Variants in STAC2 observed in about 807,000 individuals in gnomAD.
The protein encoded by STAC2 is SH3 and cysteine rich domain 2, also known as SH3 and cysteine-rich domain-containing protein 2.
STAC2 carries 36 observed loss-of-function variants against 49.0 expected under a neutral mutation model. The ratio of observed to expected loss-of-function variants is 0.74; its 90% CI spans 0.56 to 0.97. The LOEUF (loss-of-function observed/expected upper bound fraction) is 0.97. STAC2 is among the 50% of genes least tolerant of loss of function. The pLI is 0.00. For missense variants in STAC2, 527 were observed against 543.8 expected (o/e 0.97, Z 0.31); for synonymous variants, 239 against 214.7 (o/e 1.11, Z -0.99).
chr17:39,225,574 G>A lies in STAC2; in HGVS notation c.-72C>T. ...CCACCGCGGGCAGGCTGCGGGTGGC[G>A]GGCGTCTCCGGGACTCTGAAGCCGT... is the stretch of plus-strand genomic sequence containing the variant. On this transcript the variant is annotated 5_prime_UTR_variant, in exon 1 of 11. Coordinates refer to ENST00000333461, the MANE Select transcript of STAC2 (RefSeq NM_198993.5). This position sits in a 1 kb window ranked among gnomAD's most constrained non-coding sequence, Gnocchi z 8.2. 1 of 1,407,562 alleles carries A rather than the reference G, an allele frequency of 7.1e-7. No individual in the cohort carries two copies. Among genetic ancestry groups the A allele is most frequent in the Non-Finnish European group, 9.9e-7 (1 of 1,009,892 alleles). The allele number at this position is 1,407,562 out of a possible 1,614,324, so 87.2% of individuals were successfully genotyped here. A position where few individuals can be genotyped will look rare whatever the true frequency, so the allele number is the denominator to read the frequency against.
chr17:39,212,543 C>A, intron 10 of STAC2, 147 bp from the exon 11 acceptor site: 2 of 639,330 alleles, frequency 3.1e-6, no homozygotes, highest in Non-Finnish European at 5.5e-6. Flanking sequence ...GTGATGGGAC[C>A]AGATCCCAGG....
rs1212494141 is a variant in STAC2, at chr17:39,221,648, G to A, written c.91-3475C>T. 2.6e-5 allele frequency among the ~76,000 whole-genome samples: 4 copies of A among 152,230 alleles called. No homozygotes were observed. The East Asian group carries it at 7.7e-4, about 29-fold the overall frequency. On this transcript the variant is annotated intron_variant, in intron 1 of 10. Coordinates refer to ENST00000333461, the MANE Select transcript of STAC2 (RefSeq NM_198993.5). Reference sequence around the variant, plus strand: ...CTCAGCTGGTAAACAGCAGAGCCAGGACTTGAACCAGCGGCTTCGGCTGCT... The same window carrying A: ...CTCAGCTGGTAAACAGCAGAGCCAGAACTTGAACCAGCGGCTTCGGCTGCT...
At chr17:39,212,505 T>G (rs2046363547) in intron 10 of STAC2, 109 bp from the exon 11 acceptor site, 1 of 780,538 alleles carries the variant, frequency 1.3e-6, no homozygotes. Context: ...GGGACCAGTG[T>G]CAGATGTGGA....
In STAC2 at chr17:39,212,360, C is replaced by T. The variant is rs199951266; in HGVS notation, c.1168G>A (p.Gly390Ser). The T allele has an allele frequency of 5.6e-5, 90 of 1,612,030 alleles. No individual in the cohort carries two copies. The African/African-American group carries it at 1.0e-3, about 18-fold the overall frequency. ...VGVGRSKDADGFIRVSSGKKR... is the reference protein window; with the variant it reads ...VGVGRSKDADSFIRVSSGKKR... ...TTGCCACTGCTGACGCGGATGAAGC[C>T]GTCAGCATCCTTGCTTCTGCCCACG... The change falls in exon 11 of 11, where the codon GGC becomes AGC. Residue 390 changes from glycine (G) to serine (S), a missense_variant. Gly to Ser is a moderately conservative substitution (Grantham distance 56). Transcript: ENST00000333461.
chr17:39,217,396 C>A (rs1361885057), intron 2 of STAC2, among the ~76,000 whole-genome samples: 1 of 152,034 alleles, frequency 6.6e-6, no homozygotes, highest in Non-Finnish European at 1.5e-5. Context: ...ATACCCCCAC[C>A]CTTGGTGGTG....
At position 39,216,799 on chromosome 17, in the gene STAC2, G is replaced by C. The variant is rs1227923724; in HGVS notation, c.586+11C>G. The C allele has an allele frequency of 6.3e-6, 10 of 1,577,892 alleles. No individual in the cohort carries two copies. Among genetic ancestry groups the C allele is most frequent in the Middle Eastern group, 1.7e-4 (1 of 5,956 alleles). On this transcript the variant is annotated intron_variant, in intron 4 of 10. Transcript: ENST00000333461. ...ATGGGAGCAGGGACTGCGGCCAGGG[G>C]GGGCACTCACCAGTGGGTGGGGACT...
Position 39,218,067 on chromosome 17 carries a change from A to G in STAC2, c.197T>C (p.Val66Ala). The stretch of plus-strand genomic sequence containing the variant: ...CAGTGGGGTTGGGGGCGTCAGCAGC[A>G]CCTCGGTGGGGCACTTGAGCTCAGA... The part of the protein sequence containing the change: ...SGSELKCPTE[V>A]LLTPPTPLPP... Residue 66 changes from valine to alanine, a missense_variant, in exon 2 of 11, where the codon GTG (valine) becomes GCG (alanine). Coordinates refer to ENST00000333461, the MANE Select transcript of STAC2 (RefSeq NM_198993.5). 6.2e-7 allele frequency: 1 copy of G among 1,611,742 alleles called. No individual in the cohort carries two copies. The highest frequency in any genetic ancestry group is 8.5e-7 in the Non-Finnish European group (1 of 1,179,860).
chr17:39,223,787 A>G (rs1459825165), intron 1 of STAC2, among the ~76,000 whole-genome samples: 1 of 152,198 alleles, frequency 6.6e-6, no homozygotes, highest in African/African-American at 2.4e-5. Flanking sequence ...CCAGGTGACT[A>G]GAGGGCAACC....
At chr17:39,216,172 G>C (rs931204813) in intron 4 of STAC2, among the ~76,000 whole-genome samples, 1 of 151,794 alleles carries the variant, frequency 6.6e-6, no homozygotes, top group African/African-American at 2.4e-5. Flanking sequence ...TTTAGAGATA[G>C]GGTCTCACCA....
chr17:39,214,865 G>A lies in STAC2; in HGVS notation c.773-4C>T. 1.2e-6 allele frequency: 2 copies of A among 1,614,026 alleles called. No homozygotes were observed. Among genetic ancestry groups the A allele is most frequent in the Non-Finnish European group, 1.7e-6 (2 of 1,179,948 alleles). ...GGGGCTGTGAATACTGGAGATGCTA[G>A]GGGCAGGAGAGGGAAAGGGTGAGAG... On this transcript the variant is annotated splice_region_variant and splice_polypyrimidine_tract_variant and intron_variant, in intron 6 of 10. Coordinates refer to ENST00000333461, the MANE Select transcript of STAC2 (RefSeq NM_198993.5).
chr17:39,214,392 C>T, intron 7 of STAC2, 62 bp from the exon 8 acceptor site: 2 of 1,607,570 alleles, frequency 1.2e-6, no homozygotes, highest in Non-Finnish European at 1.7e-6. Flanking sequence ...CCACTCTCCA[C>T]TCGCTCTGAG....
rs141613917 is a variant in STAC2 at position 39,214,287 on chromosome 17, G to T, written c.887C>A (p.Ser296Tyr). The stretch of plus-strand genomic sequence containing the variant: ...CAGAAACTTGTAGAGTGCAACGTAG[G>T]AGTACATGGGCCCCACATCCTTCCG... The part of the protein sequence containing the change: ...TLRKDVGPMY[S>Y]YVALYKFLPQ... The change falls in exon 8 of 11, where the codon TCC becomes TAC. Residue 296 changes from serine (S) to tyrosine (Y), a missense_variant. Coordinates refer to ENST00000333461, the MANE Select transcript of STAC2 (RefSeq NM_198993.5). 2 of 1,613,970 alleles carry T rather than the reference G, an allele frequency of 1.2e-6. No homozygotes were observed. Among genetic ancestry groups the T allele is most frequent in the Non-Finnish European group, 1.7e-6 (2 of 1,179,986 alleles).
intron 1 of STAC2, among the ~76,000 whole-genome samples, chr17:39,218,727 T>C (rs1003206376): frequency 2.0e-5 from 3 of 151,028 alleles, no homozygotes; most frequent in African/African-American, 2.5e-5. Flanking sequence ...TTTTGTTGTA[T>C]GGGTGTACCA....
Position 39,217,066 on chromosome 17 carries a change from C to G in STAC2, c.495+10G>C, listed in dbSNP as rs569114875. On this transcript the variant is annotated intron_variant, in intron 3 of 10. Transcript: ENST00000333461. ...CTCAGCTGGCCATCTCTGCCTGGGT[C>G]CCCGCTCACCGTCTTGCCTGGGCAT... 5 of 1,613,654 alleles carry G rather than the reference C, an allele frequency of 3.1e-6. No homozygotes were observed. The highest frequency in any genetic ancestry group is 1.7e-5 in the Admixed American group (1 of 60,018).
rs1567836798 is a variant in STAC2 at position 39,225,111 on chromosome 17, C to T, written c.90+302G>A. ...CGCACGCACAGCCGGGCGCGTACCC[C>T]GCCCGCACCGCTCCACGCGCGCCCT... On this transcript the variant is annotated intron_variant, in intron 1 of 10. Transcript: ENST00000333461. The surrounding 1 kb of genome is among the most constrained non-coding windows in gnomAD (Gnocchi z 8.2). Among the ~76,000 whole-genome samples the T allele has an allele frequency of 6.6e-6, 1 of 152,104 alleles. No individual in the cohort carries two copies. The highest frequency in any genetic ancestry group is 2.4e-5 in the African/African-American group (1 of 41,428).
Position 39,214,191 on chromosome 17 carries a change from C to T in STAC2, c.941+42G>A, listed in dbSNP as rs72823358. ...CACACTGTGTTTCAAGGTCTGGGAG[C>T]GCAGAGCTGCCCAGCGGGGCCAGGT... On this transcript the variant is annotated intron_variant, in intron 8 of 10. Transcript: ENST00000333461. The T allele has an allele frequency of 7.1e-3, 11,393 of 1,605,218 alleles. 49 individuals are homozygous for T. Among genetic ancestry groups the T allele is most frequent in the Non-Finnish European group, 8.5e-3 (9,965 of 1,172,760 alleles).
chr17:39,223,306 G>A (rs931480455), intron 1 of STAC2, among the ~76,000 whole-genome samples: 1 of 152,160 alleles, frequency 6.6e-6, no homozygotes, highest in Non-Finnish European at 1.5e-5. Flanking sequence ...AGGCTAGCAG[G>A]GGTCCTGAGT....
Position 39,215,097 on chromosome 17 carries a change from C to G in STAC2, c.699+21G>C, listed in dbSNP as rs941973710. On this transcript the variant is annotated intron_variant, in intron 5 of 10. Coordinates refer to ENST00000333461, the MANE Select transcript of STAC2 (RefSeq NM_198993.5). ...CTCAGACACCCCTCCCCAAAAGACC[C>G]CCCCTTTTTGCCCACCATACCAGGC... 1.9e-6 allele frequency: 3 copies of G among 1,614,026 alleles called. No individual in the cohort carries two copies. The South Asian group carries it at 3.3e-5, about 18-fold the overall frequency.
Position 39,215,010 on chromosome 17 carries a change from T to G in STAC2, c.713A>C (p.Glu238Ala). 2.5e-6 allele frequency: 4 copies of G among 1,613,902 alleles called. No individual in the cohort carries two copies. The highest frequency in any genetic ancestry group is 3.4e-6 in the Non-Finnish European group (4 of 1,179,948). Reference protein sequence around the residue: ...SPTRSLSERDELTEDGEGSIR... With the variant: ...SPTRSLSERDALTEDGEGSIR... ...GCTGCCTTCCCCATCCTCGGTCAGC[T>G]CATCCCGCTCACTCTAGGGACAGAG... Residue 238 changes from glutamate to alanine, a missense_variant, in exon 6 of 11, where the codon GAG becomes GCG. Coordinates refer to ENST00000333461, the MANE Select transcript of STAC2 (RefSeq NM_198993.5).
Sources: gnomAD v4.1 joint callset for allele counts (sites outside exome capture counted in the v4.1 genomes callset) on GRCh38, gnomAD v4.1.1 for gene constraint, Gnocchi (gnomAD v3.1) non-coding constraint, MANE v1.5 for transcripts, NCBI Gene and HGNC (gene_info 2026-07-23, HGNC 2026-07-21) for gene names.